Variants in C4orf36 observed in about 807,000 individuals in gnomAD.
C4orf36 encodes the protein chromosome 4 open reading frame 36.
C4orf36 carries 11 observed loss-of-function variants against 12.2 expected under a neutral mutation model. That is an observed-to-expected ratio of 0.90 (90% CI 0.57 to 1.49). C4orf36 has a LOEUF of 1.49. Ranked by LOEUF, C4orf36 falls within the 40% of genes most tolerant of loss-of-function variation. The pLI is 0.00. For missense variants in C4orf36, 137 were observed against 133.9 expected, an observed-to-expected ratio of 1.02 and a Z score of -0.11; for synonymous variants, 54 against 51.3, an observed-to-expected ratio of 1.05 and a Z score of -0.22.
the C4orf36 span, among the ~76,000 whole-genome samples, chr4:86,922,409 G>A: frequency 1.3e-5 from 2 of 152,272 alleles, no homozygotes; most frequent in South Asian, 2.1e-4. Flanking sequence ...AACAAAAAAG[G>A]GAGGGTAACA....
the C4orf36 span, among the ~76,000 whole-genome samples, chr4:86,902,869 CT>C: frequency 2.0e-5 from 3 of 152,098 alleles, no homozygotes; most frequent in East Asian, 3.8e-4. Context: ...CATATGGAAT[CT>C]TTATTTCTTT....
At chr4:86,905,414 T>C in the C4orf36 span, among the ~76,000 whole-genome samples, 27 of 151,678 alleles carry the variant, frequency 1.8e-4, no homozygotes, top group Non-Finnish European at 1.0e-4. Flanking sequence ...TAGCCAGATG[T>C]GGCAGTTGCG....
the C4orf36 span, chr4:86,925,458 C>G: frequency 7.2e-5 from 11 of 152,320 alleles, no homozygotes; most frequent in African/African-American, 2.6e-4. Flanking sequence ...CTCAAGTGAT[C>G]TGCCCGCCTT....
chr4:86,915,174 CTT>C, the C4orf36 span, among the ~76,000 whole-genome samples: 1 of 152,164 alleles, frequency 6.6e-6, no homozygotes, highest in Non-Finnish European at 1.5e-5. Context: ...CATTTGTGCT[CTT>C]GTGTTCTCTG....
At chr4:86,911,975 C>T in the C4orf36 span, among the ~76,000 whole-genome samples, 452 of 152,326 alleles carry the variant, frequency 3.0e-3, 1 homozygote, top group African/African-American at 0.011. Flanking sequence ...ATTCTCCTGC[C>T]TCAGCCTCCC....
the C4orf36 span, among the ~76,000 whole-genome samples, chr4:86,898,304 A>G: frequency 1.3e-5 from 2 of 152,232 alleles, no homozygotes; most frequent in Admixed American, 6.5e-5. Context: ...AGACACAAGA[A>G]TCGCTTGAGC....
chr4:86,909,690 C>A, the C4orf36 span, among the ~76,000 whole-genome samples: 1 of 152,026 alleles, frequency 6.6e-6, no homozygotes, highest in East Asian at 1.9e-4. Context: ...ACCAACTACA[C>A]ACCCTTCTAT....
chr4:86,889,013 T>C (rs1401439012), intron 2 of C4orf36, among the ~76,000 whole-genome samples: 1 of 152,118 alleles, frequency 6.6e-6, no homozygotes, highest in Non-Finnish European at 1.5e-5. Context: ...TATAAGAGTG[T>C]TCATTGAAGT....
the C4orf36 span, among the ~76,000 whole-genome samples, chr4:86,920,411 C>G: frequency 6.6e-6 from 1 of 152,194 alleles, no homozygotes; most frequent in Non-Finnish European, 1.5e-5. Flanking sequence ...ACCCATTACC[C>G]AGTTCCAAAG....
At chr4:86,902,054 G>A in the C4orf36 span, among the ~76,000 whole-genome samples, 1 of 152,142 alleles carries the variant, frequency 6.6e-6, no homozygotes, top group Admixed American at 6.5e-5. Context: ...TGACCATAGA[G>A]GCGAGCCTGG....
At chr4:86,917,737 A>G in the C4orf36 span, among the ~76,000 whole-genome samples, 1 of 152,222 alleles carries the variant, frequency 6.6e-6, no homozygotes, top group Admixed American at 6.5e-5. Context: ...GTCACTGTGA[A>G]CATCTTAGAC....
upstream of C4orf36, among the ~76,000 whole-genome samples, chr4:86,896,388 T>C (rs1747589580): frequency 6.6e-6 from 1 of 152,244 alleles, no homozygotes; most frequent in South Asian, 2.1e-4. Context: ...ATTTTCTTTC[T>C]TTTAACTTAA....
At chr4:86,912,649 T>G in the C4orf36 span, among the ~76,000 whole-genome samples, 1 of 152,346 alleles carries the variant, frequency 6.6e-6, no homozygotes, top group African/African-American at 2.4e-5. Context: ...GCTATTGAGA[T>G]GTCAATACTC....
the C4orf36 span, among the ~76,000 whole-genome samples, chr4:86,924,071 C>T: frequency 6.6e-6 from 1 of 152,152 alleles, no homozygotes; most frequent in Non-Finnish European, 1.5e-5. Flanking sequence ...GACAGGGTCT[C>T]ACTCTGTTGC....
intron 1 of C4orf36, 111 bp from the exon 2 acceptor site, chr4:86,891,704 C>G: frequency 9.8e-7 from 1 of 1,016,996 alleles, no homozygotes; most frequent in Non-Finnish European, 1.4e-6. Context: ...GTTCATTGAA[C>G]TGGAACCCCA....
Position 86,891,450 on chromosome 4 carries a change from A to G in C4orf36, c.65+6T>C, listed in dbSNP as rs1468759048. 3.7e-6 allele frequency: 6 copies of G among 1,612,336 alleles called. No homozygotes were observed. The East Asian group carries it at 8.9e-5, about 24-fold the overall frequency. The stretch of plus-strand genomic sequence containing the variant: ...CCCTGATTTAAAAAAAAAAAATAGT[A>G]CTTACACATTATAACAACTGCCCCG... On this transcript the variant is annotated splice_donor_region_variant and intron_variant, in intron 2 of 4. Coordinates refer to ENST00000295898, the MANE Select transcript of C4orf36 (RefSeq NM_144645.4).
the C4orf36 span, among the ~76,000 whole-genome samples, chr4:86,927,638 A>G: frequency 6.6e-6 from 1 of 152,120 alleles, no homozygotes; most frequent in East Asian, 1.9e-4. Context: ...TGTCTCTACT[A>G]AAAACACAAA....
At position 86,888,181 on chromosome 4, in the gene C4orf36, C is replaced by T. The variant is rs773498169; in HGVS notation, c.160G>A (p.Gly54Ser). Residue 54 changes from glycine to serine, a missense_variant, in exon 3 of 5, where the codon GGT (glycine) becomes AGT (serine). Coordinates refer to ENST00000295898, the MANE Select transcript of C4orf36 (RefSeq NM_144645.4). Reference sequence around the variant, plus strand: ...GTACATTTTGTGAGCTGCACAGAACCACCAAATGAAATTTCTTCCAAGAAA... The same window carrying T: ...GTACATTTTGTGAGCTGCACAGAACTACCAAATGAAATTTCTTCCAAGAAA... ...LPFLEEISFG[G>S]SVQLTKCTTI... 8.5e-5 allele frequency: 137 copies of T among 1,614,036 alleles called. No individual in the cohort carries two copies. The highest frequency in any genetic ancestry group is 1.3e-4 in the Admixed American group (8 of 59,996).
chr4:86,907,243 C>T, the C4orf36 span, among the ~76,000 whole-genome samples: 3 of 151,914 alleles, frequency 2.0e-5, no homozygotes, highest in Non-Finnish European at 4.4e-5. Context: ...GGGAAAAGGG[C>T]GATAGGGAGT....
Sources: gnomAD v4.1 joint callset for allele counts (sites outside exome capture counted in the v4.1 genomes callset) on GRCh38, gnomAD v4.1.1 for gene constraint, MANE v1.5 for transcripts, NCBI Gene and HGNC (gene_info 2026-07-23, HGNC 2026-07-21) for gene names.